EXOC6B: variants seen among roughly 807,000 people sequenced by gnomAD.
EXOC6B encodes SEC15 homolog B.
A neutral mutation model predicts 113.5 loss-of-function variants in EXOC6B; 54 were observed. That is an observed-to-expected ratio of 0.48 (90% CI 0.38 to 0.60). The LOEUF is 0.60. Ranked by LOEUF, EXOC6B falls within the 20% of genes least tolerant of loss-of-function variation. The pLI is 0.00. For synonymous variants in EXOC6B, 357 were observed against 339.0 expected (o/e 1.05, Z -0.58); for missense variants, 797 against 977.5 (o/e 0.82, Z 2.46).
chr2:72,708,753 A>G (rs1051413578), intron 6 of EXOC6B, among the ~76,000 whole-genome samples: 11 of 152,114 alleles, frequency 7.2e-5, no homozygotes, highest in Admixed American at 6.6e-5. Context: ...TTTCACAGAC[A>G]GATTCTTGCT....
At chr2:72,518,802 A>G (rs1278129682) in intron 8 of EXOC6B, among the ~76,000 whole-genome samples, 1 of 152,170 alleles carries the variant, frequency 6.6e-6, no homozygotes, top group African/African-American at 2.4e-5. Flanking sequence ...CGACCATAAG[A>G]GTTTTAGATA....
At chr2:72,433,094 AAGGAAGGGGTCC>A (rs1403875295) in intron 18 of EXOC6B, among the ~76,000 whole-genome samples, 1 of 152,220 alleles carries the variant, frequency 6.6e-6, no homozygotes, top group African/African-American at 2.4e-5. Context: ...TATAAGGTGT[AAGGAAGGGGTCC>A]AGTATCAGTT....
intron 18 of EXOC6B, among the ~76,000 whole-genome samples, chr2:72,413,174 G>A (rs950327692): frequency 6.6e-6 from 1 of 151,630 alleles, no homozygotes; most frequent in African/African-American, 2.4e-5. Flanking sequence ...TGTTAGCCAG[G>A]ATGGTCTTGA....
At chr2:72,713,762 A>G (rs1268205302) in intron 6 of EXOC6B, among the ~76,000 whole-genome samples, 1 of 152,206 alleles carries the variant, frequency 6.6e-6, no homozygotes, top group Admixed American at 6.5e-5. Flanking sequence ...ACACACAGGG[A>G]AAAATGATGA....
At chr2:72,690,560 G>C (rs1257989026) in intron 6 of EXOC6B, among the ~76,000 whole-genome samples, 1 of 152,108 alleles carries the variant, frequency 6.6e-6, no homozygotes, top group Non-Finnish European at 1.5e-5. Flanking sequence ...AACTACTACT[G>C]ACTTTACTAA....
chr2:72,510,951 T>C (rs1700863951), intron 11 of EXOC6B, among the ~76,000 whole-genome samples: 1 of 152,062 alleles, frequency 6.6e-6, no homozygotes, highest in African/African-American at 2.4e-5. Context: ...AAGCAACTTT[T>C]TAAAAATCTC....
intron 17 of EXOC6B, among the ~76,000 whole-genome samples, chr2:72,472,853 G>C (rs1698494741): frequency 6.6e-6 from 1 of 152,056 alleles, no homozygotes; most frequent in African/African-American, 2.4e-5. Context: ...CTTTTGTTGT[G>C]TCCCACAGGT....
At chr2:72,431,457 A>G (rs1230120446) in intron 18 of EXOC6B, among the ~76,000 whole-genome samples, 1 of 151,090 alleles carries the variant, frequency 6.6e-6, no homozygotes, top group Non-Finnish European at 1.5e-5. Flanking sequence ...GAGTACTACT[A>G]TGTGCCACCA....
intron 11 of EXOC6B, among the ~76,000 whole-genome samples, chr2:72,500,946 C>A (rs1428997843): frequency 6.6e-6 from 1 of 152,022 alleles, no homozygotes; most frequent in African/African-American, 2.4e-5. Flanking sequence ...GGGCTATTAC[C>A]TTTTCATTAG....
At chr2:72,327,058 A>G (rs1359915082) in intron 20 of EXOC6B, among the ~76,000 whole-genome samples, 1 of 152,074 alleles carries the variant, frequency 6.6e-6, no homozygotes. Context: ...AACTGCTCCA[A>G]ACTGAAGGAC....
intron 20 of EXOC6B, among the ~76,000 whole-genome samples, chr2:72,201,047 AATAG>A (rs1471482851): frequency 1.3e-5 from 2 of 152,244 alleles, no homozygotes; most frequent in Middle Eastern, 3.4e-3. Flanking sequence ...TTATGCTTTT[AATAG>A]ATAAATAATA....
intron 18 of EXOC6B, among the ~76,000 whole-genome samples, chr2:72,441,234 TG>T (rs1276092256): frequency 1.3e-5 from 2 of 152,256 alleles, no homozygotes; most frequent in East Asian, 3.9e-4. Flanking sequence ...CTCTGGGACA[TG>T]GCTAAGGCAG....
At chr2:72,429,587 A>T (rs1231044118) in intron 18 of EXOC6B, among the ~76,000 whole-genome samples, 1 of 152,204 alleles carries the variant, frequency 6.6e-6, no homozygotes, top group African/African-American at 2.4e-5. Context: ...TACTATCTGA[A>T]ATTTTTTAAT....
intron 1 of EXOC6B, among the ~76,000 whole-genome samples, chr2:72,795,972 C>T (rs552271726): frequency 2.0e-5 from 3 of 152,002 alleles, no homozygotes; most frequent in Admixed American, 6.5e-5. Context: ...CAGGTGCGTG[C>T]CACCATGCAA....
intron 5 of EXOC6B, among the ~76,000 whole-genome samples, chr2:72,727,628 T>C (rs547085296): frequency 7.2e-5 from 11 of 152,326 alleles, no homozygotes; most frequent in Admixed American, 6.5e-4. Context: ...AATGTCTTTA[T>C]CTGTAGGAAC....
intron 19 of EXOC6B, among the ~76,000 whole-genome samples, chr2:72,352,935 C>T (rs376459913): frequency 7.9e-5 from 12 of 152,078 alleles, no homozygotes; most frequent in East Asian, 3.9e-4. Flanking sequence ...TACTGACGTC[C>T]GCCCTAACAA....
chr2:72,598,827 A>C (rs937528217), intron 6 of EXOC6B, among the ~76,000 whole-genome samples: 2 of 152,100 alleles, frequency 1.3e-5, no homozygotes, highest in Non-Finnish European at 2.9e-5. Flanking sequence ...TTGAAAGACA[A>C]TCTACCAAAA....
intron 18 of EXOC6B, among the ~76,000 whole-genome samples, chr2:72,437,250 G>T (rs1695936514): frequency 6.6e-6 from 1 of 152,234 alleles, no homozygotes; most frequent in African/African-American, 2.4e-5. Context: ...AAAGACTGCT[G>T]CCTGCTCCTT....
At chr2:72,228,813 T>C (rs1258794888) in intron 20 of EXOC6B, among the ~76,000 whole-genome samples, 18 of 152,320 alleles carry the variant, frequency 1.2e-4, no homozygotes, top group African/African-American at 4.3e-4. Context: ...ATGGTATTTC[T>C]AGTTCTAGAT....
Sources: allele counts gnomAD v4.1 joint callset (sites outside exome capture counted in the v4.1 genomes callset), GRCh38; gene constraint gnomAD v4.1.1; transcripts MANE v1.5; gene names NCBI Gene and HGNC (gene_info 2026-07-23, HGNC 2026-07-21).